Variants in TEX11 observed in about 807,000 individuals in gnomAD.
The protein encoded by TEX11 is testis expressed 11, also known as testis-expressed protein 11.
In TEX11, 7 loss-of-function variants were observed where a neutral mutation model predicts 84.4. The observed-to-expected ratio is 0.08, with a 90% CI of 0.05 to 0.16. The LOEUF (loss-of-function observed/expected upper bound fraction) is 0.16. Ranked by LOEUF, TEX11 falls within the 10% of genes least tolerant of loss-of-function variation. TEX11 has a pLI of 1.00. For missense variants in TEX11, 551 were observed against 660.5 expected, an observed-to-expected ratio of 0.83 and a Z score of 1.82; for synonymous variants, 264 against 222.8, an observed-to-expected ratio of 1.18 and a Z score of -1.64.
rs777904381 is a variant in TEX11, at chrX:70,783,981, T to A, written c.692+22724A>T. Among the ~76,000 whole-genome samples the A allele has an allele frequency of 2.5e-3, 273 of 111,413 alleles. 1 individual carries two copies. Among genetic ancestry groups the A allele is most frequent in the Non-Finnish European group, 4.3e-3 (229 of 52,997 alleles). On this transcript the variant is annotated intron_variant, in intron 9 of 29. Transcript: ENST00000374333. ...AACCTCCCTATCTCATTTTATGAGGTCAGCATCATCCTGATACAAAAGCCT... is the reference window on the plus strand; with the variant it reads ...AACCTCCCTATCTCATTTTATGAGGACAGCATCATCCTGATACAAAAGCCT...
intron 28 of TEX11, among the ~76,000 whole-genome samples, chrX:70,551,411 G>A (rs1384131453): frequency 1.8e-5 from 2 of 110,967 alleles, no homozygotes; most frequent in Non-Finnish European, 3.8e-5. Context: ...GTAACACAAA[G>A]GATAAATGCT....
chrX:70,747,117 G>T (rs1046797815), intron 9 of TEX11, among the ~76,000 whole-genome samples: 5 of 111,698 alleles, frequency 4.5e-5, no homozygotes, highest in Non-Finnish European at 9.4e-5. Flanking sequence ...TGCTTTCTTG[G>T]GTATGAGCAG....
chrX:70,892,581 A>C (rs1487705537), intron 2 of TEX11, among the ~76,000 whole-genome samples: 1 of 110,547 alleles, frequency 9.0e-6, no homozygotes, highest in Non-Finnish European at 1.9e-5. Flanking sequence ...AAAAATACAA[A>C]AAATTGCTGG....
chrX:70,618,770 C>T (rs1021416628), intron 20 of TEX11, among the ~76,000 whole-genome samples: 1 of 112,179 alleles, frequency 8.9e-6, no homozygotes, highest in African/African-American at 3.2e-5. Context: ...TGCTGAGTCA[C>T]ATTTTCTCAG....
chrX:70,907,931 G>T (rs1450511396), intron 1 of TEX11, 121 bp from the exon 2 acceptor site: 1 of 500,467 alleles, frequency 2.0e-6, no homozygotes, highest in Admixed American at 3.7e-5. Context: ...GCTGAGTAAA[G>T]TTAAAAGCCC....
At chrX:70,674,100 G>A (rs113223200) in intron 15 of TEX11, among the ~76,000 whole-genome samples, 9,710 of 109,546 alleles carry the variant, frequency 0.089, 930 homozygotes, top group African/African-American at 0.28. Context: ...CCTTCTTTGT[G>A]TTCATAAGTT....
chrX:70,814,047 A>G (rs1348386984), intron 8 of TEX11, among the ~76,000 whole-genome samples: 6 of 111,731 alleles, frequency 5.4e-5, no homozygotes, highest in East Asian at 2.8e-4. Flanking sequence ...TATAGATTCA[A>G]TGCCATCCCC....
At chrX:70,812,270 G>A (rs914089806) in intron 8 of TEX11, among the ~76,000 whole-genome samples, 2 of 108,750 alleles carry the variant, frequency 1.8e-5, no homozygotes, top group African/African-American at 3.4e-5. Context: ...AGTGGCGCAC[G>A]ATCTCCGCTC....
At chrX:70,825,617 A>T (rs2091341196) in intron 8 of TEX11, among the ~76,000 whole-genome samples, 2 of 111,963 alleles carry the variant, frequency 1.8e-5, no homozygotes, top group African/African-American at 6.5e-5. Context: ...AAAAGTTTTT[A>T]CATTCTTAAA....
chrX:70,523,569 T>C, the TEX11 span, among the ~76,000 whole-genome samples: 3 of 110,662 alleles, frequency 2.7e-5, no homozygotes, highest in Non-Finnish European at 5.7e-5. Context: ...GTTCACACCA[T>C]TCTCCTGCCT....
chrX:70,716,810 C>G (rs924985749), intron 13 of TEX11, among the ~76,000 whole-genome samples: 1 of 111,884 alleles, frequency 8.9e-6, no homozygotes, highest in Non-Finnish European at 1.9e-5. Flanking sequence ...CCAACACTCC[C>G]CAGTGAGATG....
intron 9 of TEX11, among the ~76,000 whole-genome samples, chrX:70,784,251 A>G (rs1326471058): frequency 1.8e-5 from 2 of 111,847 alleles, no homozygotes; most frequent in African/African-American, 6.5e-5. Flanking sequence ...CAATAGATGC[A>G]GAAAAGGCCT....
At chrX:70,748,019 T>C (rs777661801) in intron 9 of TEX11, among the ~76,000 whole-genome samples, 6 of 107,988 alleles carry the variant, frequency 5.6e-5, no homozygotes, top group South Asian at 8.0e-4. Flanking sequence ...TGAAGAGCAA[T>C]AGAAACGATA....
chrX:70,777,271 G>A (rs1397302943), intron 9 of TEX11, among the ~76,000 whole-genome samples: 1 of 111,486 alleles, frequency 9.0e-6, no homozygotes, highest in Admixed American at 9.6e-5. Context: ...GATGTAAACT[G>A]TGACATCAAA....
At chrX:70,814,061 A>G (rs902175718) in intron 8 of TEX11, among the ~76,000 whole-genome samples, 7 of 111,685 alleles carry the variant, frequency 6.3e-5, no homozygotes, top group Non-Finnish European at 1.3e-4. Context: ...CATCCCCATC[A>G]AGCTACCAAT....
At chrX:70,890,078 G>A (rs980226809) in intron 2 of TEX11, among the ~76,000 whole-genome samples, 1 of 111,245 alleles carries the variant, frequency 9.0e-6, no homozygotes, top group East Asian at 2.8e-4. Context: ...TGAAAATAAA[G>A]GGATGGAAAG....
At chrX:70,585,454 C>T (rs747565941) in intron 25 of TEX11, among the ~76,000 whole-genome samples, 82 of 111,748 alleles carry the variant, frequency 7.3e-4, no homozygotes, top group East Asian at 2.2e-3. Context: ...TCACGCTAAG[C>T]GATCCCTATC....
intron 13 of TEX11, among the ~76,000 whole-genome samples, chrX:70,700,810 T>C (rs140067531): frequency 2.3e-3 from 260 of 112,273 alleles, no homozygotes; most frequent in Non-Finnish European, 4.1e-3. Context: ...TTAAAAGTAC[T>C]ACTCCAGTGA....
chrX:70,513,493 T>A, the TEX11 span, among the ~76,000 whole-genome samples: 1 of 106,351 alleles, frequency 9.4e-6, no homozygotes, highest in African/African-American at 3.5e-5. Context: ...AAAAATTTAT[T>A]TATTTATTTA....
Sources: gnomAD v4.1 joint callset for allele counts (sites outside exome capture counted in the v4.1 genomes callset) on GRCh38, gnomAD v4.1.1 for gene constraint, MANE v1.5 for transcripts, NCBI Gene and HGNC (gene_info 2026-07-23, HGNC 2026-07-21) for gene names.